The following SGK3 variants were observed in gnomAD, a reference collection of about 807,000 sequenced individuals.
The protein encoded by SGK3 is serine/threonine-protein kinase Sgk3.
Under a neutral mutation model 68.5 loss-of-function variants are expected in SGK3, and 47 were observed. That is an observed-to-expected ratio of 0.69 (90% confidence interval 0.54 to 0.87). The LOEUF is 0.87. Ranked by LOEUF, SGK3 falls within the 40% of genes least tolerant of loss-of-function variation. The pLI is 0.00. For synonymous variants in SGK3, 181 were observed against 189.1 expected (o/e 0.96, Z 0.35); for missense variants, 479 against 575.5 (o/e 0.83, Z 1.72).
chr8:66,729,056 A>G (rs1391530409), intron 1 of SGK3, among the ~76,000 whole-genome samples: 2 of 151,400 alleles, frequency 1.3e-5, no homozygotes, highest in African/African-American at 2.4e-5. Flanking sequence ...TGTCTGTACT[A>G]AAAATACAAA....
intron 1 of SGK3, among the ~76,000 whole-genome samples, chr8:66,779,203 G>A (rs1435649817): frequency 6.6e-6 from 1 of 152,028 alleles, no homozygotes; most frequent in Non-Finnish European, 1.5e-5. Context: ...GAAGTTTATA[G>A]TTTTACTAAG....
rs1238150725 is a variant in SGK3 at position 66,861,137 on chromosome 8, A to ATTTGTGG, written c.*1556_*1557insTTTGTGG. On this transcript the variant is annotated 3_prime_UTR_variant, in exon 17 of 17. Transcript: ENST00000521198. ...GAGACCCTAGTTAAGAGAAAAAAAA[A>ATTTGTGG]GTAAAAACAAATTGTGGGTCAAAGT... 1.3e-5 allele frequency: 2 copies of ATTTGTGG among 152,254 alleles called. No homozygotes were observed. The highest frequency in any genetic ancestry group is 2.1e-4 in the South Asian group (1 of 4,838). The allele number at this position is 152,254 out of a possible 1,614,324, so 9.4% of individuals were successfully genotyped here.
intron 7 of SGK3, 115 bp downstream of exon 7, chr8:66,828,818 C>A: frequency 1.5e-6 from 2 of 1,336,638 alleles, no homozygotes; most frequent in African/African-American, 1.4e-5. Context: ...GAAATATAAC[C>A]ATAGTTACAG....
chr8:66,752,736 G>A (rs1430486904), intron 1 of SGK3, among the ~76,000 whole-genome samples: 2 of 152,190 alleles, frequency 1.3e-5, no homozygotes, highest in East Asian at 3.8e-4. Context: ...GTTTGAGGAT[G>A]TAGGGGATGC....
chr8:66,839,509 AT>A (rs2130719404), intron 10 of SGK3, among the ~76,000 whole-genome samples: 1 of 22,018 alleles, frequency 4.5e-5, no homozygotes, highest in East Asian at 1.8e-3. Context: ...ATATATATAT[AT>A]ATATATATAT....
intron 1 of SGK3, among the ~76,000 whole-genome samples, chr8:66,773,033 G>A (rs775810505): frequency 1.3e-5 from 2 of 152,188 alleles, no homozygotes; most frequent in Non-Finnish European, 2.9e-5. Context: ...ACATCCCTGA[G>A]CTGGGCTACT....
At chr8:66,758,415 A>G (rs1302711874) in intron 1 of SGK3, among the ~76,000 whole-genome samples, 1 of 152,130 alleles carries the variant, frequency 6.6e-6, no homozygotes, top group African/African-American at 2.4e-5. Flanking sequence ...AAAAATTAGT[A>G]ATTAGCATTA....
rs183851464 is a variant in SGK3 at position 66,816,494 on chromosome 8, C to T, written c.329+2566C>T. On this transcript the variant is annotated intron_variant, in intron 5 of 16. Coordinates refer to ENST00000521198, the MANE Select transcript of SGK3 (RefSeq NM_001033578.3). The stretch of plus-strand genomic sequence containing the variant: ...CCAAGTGGATGGGATTACAGGTGCG[C>T]GCCACCACGCCTGGCTAATTTTTGT... Among the ~76,000 whole-genome samples, 658 of 151,474 alleles carry T rather than the reference C, an allele frequency of 4.3e-3. 6 individuals carry two copies. The highest frequency in any genetic ancestry group is 0.015 in the African/African-American group (622 of 41,292).
At chr8:66,759,440 T>C (rs1806088367) in intron 1 of SGK3, among the ~76,000 whole-genome samples, 1 of 148,326 alleles carries the variant, frequency 6.7e-6, no homozygotes, top group Non-Finnish European at 1.5e-5. Flanking sequence ...CTGTCTCTCT[T>C]TTTTTTTTTG....
chr8:66,781,071 C>CA lies in SGK3; in HGVS notation c.-121-12544dup, dbSNP rs939364203. Among the ~76,000 whole-genome samples, 35 of 152,186 alleles carry CA rather than the reference C, an allele frequency of 2.3e-4. 1 individual carries two copies. The highest frequency in any genetic ancestry group is 5.0e-4 in the Non-Finnish European group (34 of 68,038). On this transcript the variant is annotated intron_variant, in intron 1 of 16. Transcript: ENST00000521198. ...GGCCCCATCCATCTGCCAGTCACCACAGCCCTCTAGGAATTGGCCTTGGGC... is the reference window on the plus strand; with the variant it reads ...GGCCCCATCCATCTGCCAGTCACCACAAGCCCTCTAGGAATTGGCCTTGGGC...
chr8:66,858,441 G>A (rs989066274), intron 16 of SGK3, among the ~76,000 whole-genome samples: 1 of 151,678 alleles, frequency 6.6e-6, no homozygotes, highest in Non-Finnish European at 1.5e-5. Flanking sequence ...AGTCCAGCCT[G>A]GGTGACAGAG....
At chr8:66,796,666 A>G (rs1807708889) in intron 2 of SGK3, among the ~76,000 whole-genome samples, 1 of 152,122 alleles carries the variant, frequency 6.6e-6, no homozygotes, top group Non-Finnish European at 1.5e-5. Context: ...AGCTTCTAAC[A>G]GGGAAATGTG....
At chr8:66,767,140 C>T (rs1197609799) in intron 1 of SGK3, among the ~76,000 whole-genome samples, 7 of 152,204 alleles carry the variant, frequency 4.6e-5, no homozygotes, top group Non-Finnish European at 8.8e-5. Context: ...CCACCACACC[C>T]GGTCAAGTTT....
At chr8:66,829,413 G>A (rs545679065) in intron 7 of SGK3, among the ~76,000 whole-genome samples, 1 of 152,124 alleles carries the variant, frequency 6.6e-6, no homozygotes, top group Admixed American at 6.6e-5. Context: ...CAAGGACTGC[G>A]TCCTGGTACA....
intron 8 of SGK3, among the ~76,000 whole-genome samples, chr8:66,833,485 A>T (rs1809384968): frequency 6.6e-6 from 1 of 152,212 alleles, no homozygotes; most frequent in Non-Finnish European, 1.5e-5. Flanking sequence ...AGCCCTTTGC[A>T]TATCAATATA....
chr8:66,780,712 A>G (rs1236515936), intron 1 of SGK3, among the ~76,000 whole-genome samples: 1 of 152,174 alleles, frequency 6.6e-6, no homozygotes, highest in Admixed American at 6.5e-5. Flanking sequence ...ATGCAGAATA[A>G]CATTAGGCCC....
intron 1 of SGK3, among the ~76,000 whole-genome samples, chr8:66,771,335 A>G (rs1032533516): frequency 2.6e-5 from 4 of 152,090 alleles, no homozygotes; most frequent in Non-Finnish European, 5.9e-5. Context: ...AGACTTCAGA[A>G]CTCTGGGGCC....
At position 66,840,003 on chromosome 8, in the gene SGK3, C is replaced by CT. The variant is rs1809735924; in HGVS notation, c.749dup (p.His251ProfsTer10). 2 of 1,612,854 alleles carry CT rather than the reference C, an allele frequency of 1.2e-6. No individual in the cohort carries two copies. Among genetic ancestry groups the CT allele is most frequent in the Non-Finnish European group, 1.7e-6 (2 of 1,179,604 alleles). ...CCCACCCCCACAACCAATTTGACAG[C>CT]TTTTTTTCCACTTACAAAGAGAACG... On this transcript the variant is annotated frameshift_variant and splice_region_variant, in exon 11 of 17. Transcript: ENST00000521198. LOFTEE classifies it high-confidence loss of function.
chr8:66,798,837 A>G (rs1011939207), intron 3 of SGK3, among the ~76,000 whole-genome samples: 2 of 152,240 alleles, frequency 1.3e-5, no homozygotes, highest in Non-Finnish European at 2.9e-5. Flanking sequence ...CAAATAAACC[A>G]TTAAAAATAT....
Sources: gnomAD v4.1 joint callset for allele counts (sites outside exome capture counted in the v4.1 genomes callset) on GRCh38, gnomAD v4.1.1 for gene constraint, MANE v1.5 for transcripts, NCBI Gene and HGNC (gene_info 2026-07-23, HGNC 2026-07-21) for gene names.